Variants in UMAD1 observed in about 807,000 individuals in gnomAD.
UMAD1 encodes UBAP1-MVB12-associated (UMA)-domain containing protein 1.
In UMAD1, 8 loss-of-function variants were observed where a neutral mutation model predicts 6.1. The ratio of observed to expected loss-of-function variants is 1.30; its 90% CI spans 0.76 to 2.35. The LOEUF (loss-of-function observed/expected upper bound fraction) is 2.35, where lower values mean the gene tolerates loss of function less well. Ranked by LOEUF, UMAD1 falls within the 30% of genes most tolerant of loss-of-function variation. UMAD1 has a pLI of 0.00. For synonymous variants in UMAD1, 56 were observed against 31.4 expected (o/e 1.78, Z -2.61); for missense variants, 130 against 78.4 (o/e 1.66, Z -2.49).
intron 2 of UMAD1, among the ~76,000 whole-genome samples, chr7:7,747,740 G>T (rs1781599250): frequency 6.6e-6 from 1 of 152,044 alleles, no homozygotes; most frequent in East Asian, 1.9e-4. Context: ...ATTGTTACCT[G>T]CTAGGTTGCC....
chr7:7,765,431 T>G (rs1781966019), intron 2 of UMAD1, among the ~76,000 whole-genome samples: 1 of 152,250 alleles, frequency 6.6e-6, no homozygotes, highest in Non-Finnish European at 1.5e-5. Flanking sequence ...TTGGCTACTC[T>G]TATTTAAAAT....
At chr7:7,855,178 G>A (rs1380645489) in intron 3 of UMAD1, among the ~76,000 whole-genome samples, 1 of 152,218 alleles carries the variant, frequency 6.6e-6, no homozygotes, top group Non-Finnish European at 1.5e-5. Context: ...GGTGCATGGT[G>A]CAAGCTGTCA....
intron 3 of UMAD1, among the ~76,000 whole-genome samples, chr7:7,864,485 A>G (rs1189547901): frequency 6.6e-6 from 1 of 151,798 alleles, no homozygotes; most frequent in Non-Finnish European, 1.5e-5. Flanking sequence ...ACCCACACTC[A>G]AGCAGATGGG....
intron 3 of UMAD1, among the ~76,000 whole-genome samples, chr7:7,826,978 G>A (rs12668423): frequency 0.79 from 120,584 of 152,060 alleles, 47,900 homozygotes; most frequent in African/African-American, 0.84. Context: ...ATAAGATGCA[G>A]TTACTTTAAT....
At chr7:7,683,591 A>C (rs1779964148) in intron 2 of UMAD1, among the ~76,000 whole-genome samples, 1 of 152,122 alleles carries the variant, frequency 6.6e-6, no homozygotes, top group Non-Finnish European at 1.5e-5. Context: ...AAAGCTTCAT[A>C]CATGATCCTA....
chr7:7,875,190 A>G (rs556665374), intron 3 of UMAD1, among the ~76,000 whole-genome samples: 28 of 152,340 alleles, frequency 1.8e-4, no homozygotes, highest in African/African-American at 6.5e-4. Flanking sequence ...CAGCTAAAGC[A>G]GTGTGTAGAG....
chr7:7,867,371 C>T (rs910658850), intron 3 of UMAD1, among the ~76,000 whole-genome samples: 2 of 151,902 alleles, frequency 1.3e-5, no homozygotes, highest in African/African-American at 2.4e-5. Flanking sequence ...TAAGCTCATC[C>T]GAAGAAGTGT....
Position 7,653,517 on chromosome 7 carries a change from C to T in UMAD1, c.-64+12696C>T, listed in dbSNP as rs776152105. Among the ~76,000 whole-genome samples, 24 of 152,312 alleles carry T rather than the reference C, an allele frequency of 1.6e-4. No individual in the cohort carries two copies. The South Asian group carries it at 2.5e-3, about 16-fold the overall frequency. ...ATGTATAGCATTACAAAAAAAACCT[C>T]TTGAAATTAAGATGTTTTCTGACTG... On this transcript the variant is annotated intron_variant, in intron 1 of 3. Transcript: ENST00000682710.
intron 2 of UMAD1, among the ~76,000 whole-genome samples, chr7:7,785,969 A>G (rs1319649030): frequency 6.6e-6 from 1 of 152,198 alleles, no homozygotes; most frequent in Non-Finnish European, 1.5e-5. Context: ...TACTCCTCTC[A>G]TTTATTTTTT....
At chr7:7,746,955 T>TTG (rs36223422) in intron 2 of UMAD1, among the ~76,000 whole-genome samples, 2,392 of 148,574 alleles carry the variant, frequency 0.016, 26 homozygotes, top group East Asian at 0.047. Context: ...GAGTGCATGT[T>TTG]TGTGTGTGTG....
chr7:7,739,476 G>A (rs1228745921), intron 2 of UMAD1, among the ~76,000 whole-genome samples: 1 of 152,162 alleles, frequency 6.6e-6, no homozygotes, highest in East Asian at 1.9e-4. Flanking sequence ...TGAAGTAACT[G>A]ATTATTTGCT....
At chr7:7,864,925 A>G (rs1448183148) in intron 3 of UMAD1, among the ~76,000 whole-genome samples, 2 of 152,186 alleles carry the variant, frequency 1.3e-5, no homozygotes, top group African/African-American at 2.4e-5. Flanking sequence ...TAAAACCTCC[A>G]TAAAAACCTC....
At chr7:7,816,441 C>T (rs1783128412) in intron 3 of UMAD1, among the ~76,000 whole-genome samples, 1 of 152,164 alleles carries the variant, frequency 6.6e-6, no homozygotes, top group African/African-American at 2.4e-5. Flanking sequence ...CTGTTAGTTG[C>T]TGAAGGCTGT....
In UMAD1 at chr7:7,748,654, A is replaced by G. The variant is rs1781620373; in HGVS notation, c.83-53016A>G. Among the ~76,000 whole-genome samples the G allele has an allele frequency of 2.0e-5, 3 of 152,048 alleles. No homozygotes were observed. In the South Asian group the frequency reaches 6.2e-4, roughly 31 times the overall value. On this transcript the variant is annotated intron_variant, in intron 2 of 3. Transcript: ENST00000682710. ...ATAATGCCGATTTACACATTTACCAAATTCCCATCTATTACCTTCATTCCT... is the reference window on the plus strand; with the variant it reads ...ATAATGCCGATTTACACATTTACCAGATTCCCATCTATTACCTTCATTCCT...
chr7:7,656,083 C>T (rs1479904881), intron 1 of UMAD1, among the ~76,000 whole-genome samples: 5 of 152,118 alleles, frequency 3.3e-5, no homozygotes, highest in Admixed American at 3.3e-4. Flanking sequence ...GATCCGCCTG[C>T]CTCTGCCTCC....
At chr7:7,853,927 A>G (rs1270751569) in intron 3 of UMAD1, among the ~76,000 whole-genome samples, 1 of 152,126 alleles carries the variant, frequency 6.6e-6, no homozygotes, top group Non-Finnish European at 1.5e-5. Flanking sequence ...ACCATTAATA[A>G]TGTTGTCAGC....
In UMAD1 at chr7:7,677,656, G is replaced by GT. The variant is rs1563112312; in HGVS notation, c.82+4210dup. ...CCACATTTTCTTTATCTATTCATCT[G>GT]TTTTTTTGTTTTTTTTTTTTTTTTT... On this transcript the variant is annotated intron_variant, in intron 2 of 3. Transcript: ENST00000682710. Among the ~76,000 whole-genome samples the GT allele has an allele frequency of 1.9e-4, 8 of 41,482 alleles. No individual in the cohort carries two copies. In the East Asian group the frequency reaches 3.0e-3, roughly 15 times the overall value. The allele number at this position is 41,482 out of a possible 152,430, so 27.2% of individuals were successfully genotyped here. A position where few individuals can be genotyped will look rare whatever the true frequency, so the allele number is the denominator to read the frequency against.
intron 2 of UMAD1, among the ~76,000 whole-genome samples, chr7:7,680,846 T>A (rs764865722): frequency 3.9e-5 from 6 of 152,142 alleles, no homozygotes; most frequent in Non-Finnish European, 8.8e-5. Flanking sequence ...TCAAATTGTT[T>A]GCTGTTGGCA....
intron 3 of UMAD1, among the ~76,000 whole-genome samples, chr7:7,839,870 A>G (rs1451464873): frequency 6.6e-6 from 1 of 152,212 alleles, no homozygotes; most frequent in Admixed American, 6.5e-5. Context: ...GAAACTAGTC[A>G]TCATGATTCT....
Sources: gnomAD v4.1 joint callset for allele counts (sites outside exome capture counted in the v4.1 genomes callset) on GRCh38, gnomAD v4.1.1 for gene constraint, MANE v1.5 for transcripts, NCBI Gene and HGNC (gene_info 2026-07-23, HGNC 2026-07-21) for gene names.